CAMTA1: variants seen among roughly 807,000 people sequenced by gnomAD.
CAMTA1 encodes the protein calmodulin binding transcription activator 1.
A neutral mutation model predicts 170.9 loss-of-function variants in CAMTA1; 27 were observed. The observed-to-expected ratio is 0.16, with a 90% CI of 0.12 to 0.22. The LOEUF is 0.22. CAMTA1 is among the 10% of genes least tolerant of loss of function. The pLI is 1.00. For missense variants in CAMTA1, 1,619 were observed against 2,217.2 expected (o/e 0.73, Z 5.42); for synonymous variants, 833 against 891.5 (o/e 0.93, Z 1.17).
At chr1:7,446,216 C>T (rs2092677507) in intron 5 of CAMTA1, among the ~76,000 whole-genome samples, 1 of 149,852 alleles carries the variant, frequency 6.7e-6, no homozygotes, top group Non-Finnish European at 1.5e-5. Flanking sequence ...CACTGAGAGA[C>T]CTAGAGGAAG....
At chr1:7,334,321 C>T (rs1464029960) in intron 5 of CAMTA1, among the ~76,000 whole-genome samples, 3 of 152,194 alleles carry the variant, frequency 2.0e-5, no homozygotes, top group Non-Finnish European at 4.4e-5. Context: ...CCTAAGGTGA[C>T]CTCTCCATTC....
intron 22 of CAMTA1, among the ~76,000 whole-genome samples, chr1:7,756,777 G>A (rs1029718804): frequency 6.6e-6 from 1 of 152,138 alleles, no homozygotes; most frequent in Non-Finnish European, 1.5e-5. Context: ...AAGCCTGGGA[G>A]GTTGAGGCTG....
intron 5 of CAMTA1, among the ~76,000 whole-genome samples, chr1:7,336,837 GA>G (rs2083414243): frequency 6.6e-6 from 1 of 152,186 alleles, no homozygotes; most frequent in Non-Finnish European, 1.5e-5. Context: ...GCAACAGGGA[GA>G]AGGCCATGGC....
At chr1:7,260,815 C>G (rs940082057) in intron 5 of CAMTA1, among the ~76,000 whole-genome samples, 1 of 152,194 alleles carries the variant, frequency 6.6e-6, no homozygotes, top group Non-Finnish European at 1.5e-5. Flanking sequence ...TGGAGAGGCT[C>G]TCTTTCATCT....
intron 4 of CAMTA1, among the ~76,000 whole-genome samples, chr1:7,166,052 G>A (rs1186904571): frequency 2.0e-5 from 3 of 151,812 alleles, no homozygotes; most frequent in South Asian, 4.2e-4. Context: ...AAGCGGGGGG[G>A]TGTGTTTACT....
chr1:7,753,396 G>A (rs1358234815), intron 21 of CAMTA1, among the ~76,000 whole-genome samples: 5 of 152,162 alleles, frequency 3.3e-5, no homozygotes, highest in Admixed American at 6.5e-5. Flanking sequence ...TTGGGTTGTT[G>A]CTCTGTGTGT....
At chr1:7,676,287 G>A (rs1435468441) in intron 10 of CAMTA1, among the ~76,000 whole-genome samples, 1 of 152,250 alleles carries the variant, frequency 6.6e-6, no homozygotes, top group Non-Finnish European at 1.5e-5. Context: ...CCACTGTGGA[G>A]TCCTTTGGTT....
intron 5 of CAMTA1, among the ~76,000 whole-genome samples, chr1:7,326,004 G>A (rs1237175081): frequency 5.3e-5 from 8 of 152,118 alleles, no homozygotes; most frequent in Non-Finnish European, 7.4e-5. Flanking sequence ...GACTACAGGC[G>A]TGCGCCACCA....
intron 5 of CAMTA1, among the ~76,000 whole-genome samples, chr1:7,379,952 C>T (rs1381281736): frequency 6.6e-6 from 1 of 152,088 alleles, no homozygotes; most frequent in Non-Finnish European, 1.5e-5. Flanking sequence ...GCCAAGTGAG[C>T]GGTGGAGAAA....
chr1:7,747,525 A>C (rs2096865385), intron 18 of CAMTA1, among the ~76,000 whole-genome samples, 185 bp from the exon 19 acceptor site: 1 of 152,238 alleles, frequency 6.6e-6, no homozygotes, highest in East Asian at 1.9e-4. Flanking sequence ...TTTATTTAGA[A>C]GCAAGGATAG....
In CAMTA1 at chr1:7,642,572, C is replaced by T. The variant is rs2095772276; in HGVS notation, c.664+2019C>T. Among the ~76,000 whole-genome samples, 2 of 152,188 alleles carry T rather than the reference C, an allele frequency of 1.3e-5. No individual in the cohort carries two copies. The highest frequency in any genetic ancestry group is 6.5e-5 in the Admixed American group (1 of 15,284). On this transcript the variant is annotated intron_variant, in intron 7 of 22. Coordinates refer to ENST00000303635, the MANE Select transcript of CAMTA1 (RefSeq NM_015215.4). This position sits in a 1 kb window ranked among gnomAD's most constrained non-coding sequence, Gnocchi z 6.3. ...ACACTGGGTCCTGCCTAGACCCCGCCCCAGGGGGCCTACTGATACTTTCTC... is the reference window on the plus strand; with the variant it reads ...ACACTGGGTCCTGCCTAGACCCCGCTCCAGGGGGCCTACTGATACTTTCTC...
Position 6,887,930 on chromosome 1 carries a change from C to A in CAMTA1, c.234+62720C>A. ...AGTTATTACGAAGGAGCTCCGCAGC[C>A]TGACTGAGCTCTGGAGAGCAGGGCT... On this transcript the variant is annotated intron_variant, in intron 3 of 22. Coordinates refer to ENST00000303635, the MANE Select transcript of CAMTA1 (RefSeq NM_015215.4). This position sits in a 1 kb window ranked among gnomAD's most constrained non-coding sequence, Gnocchi z 4.1. The A allele has an allele frequency of 7.5e-7, 1 of 1,327,272 alleles. No individual in the cohort carries two copies. 82.2% of individuals were successfully genotyped at this position (1,327,272 alleles called of 1,614,324 possible).
intron 22 of CAMTA1, among the ~76,000 whole-genome samples, chr1:7,765,534 G>C (rs1389959267): frequency 2.0e-5 from 3 of 152,142 alleles, no homozygotes; most frequent in Non-Finnish European, 4.4e-5. Context: ...CTGTCCATCT[G>C]GGATCACTGG....
At chr1:7,054,403 G>A (rs986819648) in intron 3 of CAMTA1, among the ~76,000 whole-genome samples, 8 of 152,268 alleles carry the variant, frequency 5.3e-5, no homozygotes, top group African/African-American at 1.4e-4. Flanking sequence ...TCCTGCTGGT[G>A]CACATCATGC....
rs144938460 is a variant in CAMTA1 at position 7,538,109 on chromosome 1, T to C, written c.510+70208T>C. ...CTCATTTGCACGTGCAGTGTTGTGC[T>C]GGTAGCTGTTGAACAACCAGCTCTC... On this transcript the variant is annotated intron_variant, in intron 6 of 22. Transcript: ENST00000303635. Among the ~76,000 whole-genome samples, 696 of 152,360 alleles carry C rather than the reference T, an allele frequency of 4.6e-3. 3 individuals are homozygous for C. The highest frequency in any genetic ancestry group is 0.015 in the African/African-American group (644 of 41,586).
At chr1:7,025,569 C>G (rs1333139149) in intron 3 of CAMTA1, among the ~76,000 whole-genome samples, 1 of 152,188 alleles carries the variant, frequency 6.6e-6, no homozygotes, top group Non-Finnish European at 1.5e-5. Context: ...GTGCCAGGCA[C>G]TGGGCCAGAT....
rs1049731115 is a variant in CAMTA1 at position 7,447,068 on chromosome 1, C to T, written c.439-20762C>T. On this transcript the variant is annotated intron_variant, in intron 5 of 22. Coordinates refer to ENST00000303635, the MANE Select transcript of CAMTA1 (RefSeq NM_015215.4). Reference sequence around the variant, plus strand: ...AGACCGTCCCGTGCACTGGAGGATGCGGCTCCCACTGGGCCTGCACCTAGT... The same window carrying T: ...AGACCGTCCCGTGCACTGGAGGATGTGGCTCCCACTGGGCCTGCACCTAGT... Among the ~76,000 whole-genome samples the T allele has an allele frequency of 2.6e-5, 4 of 152,194 alleles. 1 individual carries two copies. The highest frequency in any genetic ancestry group is 4.1e-4 in the South Asian group (2 of 4,822).
intron 4 of CAMTA1, among the ~76,000 whole-genome samples, chr1:7,235,743 G>A (rs577669334): frequency 2.6e-5 from 4 of 152,362 alleles, no homozygotes; most frequent in Non-Finnish European, 4.4e-5. Context: ...AATCACGGCC[G>A]TCTGGTGGCT....
At chr1:7,683,635 A>G (rs760839049) in intron 11 of CAMTA1, among the ~76,000 whole-genome samples, 1 of 152,092 alleles carries the variant, frequency 6.6e-6, no homozygotes, top group Non-Finnish European at 1.5e-5. Flanking sequence ...TGTGCATAGC[A>G]GTAACAGGTG....
Sources: allele counts gnomAD v4.1 joint callset (sites outside exome capture counted in the v4.1 genomes callset), GRCh38; gene constraint gnomAD v4.1.1; non-coding constraint Gnocchi (gnomAD v3.1); transcripts MANE v1.5; gene names NCBI Gene and HGNC (gene_info 2026-07-23, HGNC 2026-07-21).